Variants in BCORL1 observed in about 807,000 individuals in gnomAD.
The protein encoded by BCORL1 is BCL-6 corepressor-like protein 1.
A neutral mutation model predicts 87.6 loss-of-function variants in BCORL1; 7 were observed. That is an observed-to-expected ratio of 0.08 (90% CI 0.05 to 0.15). BCORL1 has a LOEUF of 0.15. Among genes scored for constraint, BCORL1 ranks in the 10% least tolerant of loss-of-function variants. The pLI, the probability that BCORL1 is intolerant of heterozygous loss-of-function variation, is 1.00. For missense variants in BCORL1, 1,215 were observed against 1,499.7 expected (o/e 0.81, Z 3.13); for synonymous variants, 591 against 634.4 (o/e 0.93, Z 1.03).
chrX:130,020,452 T>C (rs1929715001), intron 4 of BCORL1, among the ~76,000 whole-genome samples: 1 of 112,270 alleles, frequency 8.9e-6, no homozygotes, highest in African/African-American at 3.2e-5. Flanking sequence ...GAATTGCTCC[T>C]GTGTCATGTT....
intron 12 of BCORL1, among the ~76,000 whole-genome samples, chrX:130,051,253 T>C (rs1932055516): frequency 8.9e-6 from 1 of 112,792 alleles, no homozygotes; most frequent in Admixed American, 9.3e-5. Flanking sequence ...TGGCCGCAGC[T>C]TTCCTCTCCT....
Position 130,056,510 on chromosome X carries a change from G to A in BCORL1, c.*374G>A, listed in dbSNP as rs1246580926. Reference sequence around the variant, plus strand: ...CTTGGCCTGTCCCGAGGAGAAATGAGAAAATCCCAGATCTCTGAGCGCCCC... The same window carrying A: ...CTTGGCCTGTCCCGAGGAGAAATGAAAAAATCCCAGATCTCTGAGCGCCCC... On this transcript the variant is annotated 3_prime_UTR_variant, in exon 14 of 14. Coordinates refer to ENST00000540052, the MANE Select transcript of BCORL1 (RefSeq NM_001379451.1). 6.6e-6 allele frequency: 1 copy of A among 152,139 alleles called. No homozygotes were observed. Among genetic ancestry groups the A allele is most frequent in the East Asian group, 1.5e-4 (1 of 6,490 alleles). The allele number at this position is 152,139 out of a possible 1,213,427, so 12.5% of individuals were successfully genotyped here. A position where few individuals can be genotyped will look rare whatever the true frequency, so the allele number is the denominator to read the frequency against.
intron 1 of BCORL1, among the ~76,000 whole-genome samples, chrX:129,983,401 G>A (rs1367123340): frequency 1.0e-5 from 1 of 99,540 alleles, no homozygotes; most frequent in Admixed American, 1.1e-4. Context: ...TGGCTAGCAG[G>A]GCAGGGCGAG....
At chrX:130,021,316 G>A (rs1383220999) in intron 5 of BCORL1, 166 bp downstream of exon 5, 20 of 750,686 alleles carry the variant, frequency 2.7e-5, no homozygotes, top group Non-Finnish European at 3.0e-5. Flanking sequence ...TAAGGTGAGC[G>A]AGCAAGGATC....
At chrX:130,023,228 T>G (rs1929978606) in intron 6 of BCORL1, among the ~76,000 whole-genome samples, 1 of 111,898 alleles carries the variant, frequency 8.9e-6, no homozygotes, top group African/African-American at 3.2e-5. Flanking sequence ...CATCTCTTGT[T>G]GGGAGCTGAT....
chrX:129,990,388 T>C (rs1927026869), intron 1 of BCORL1, among the ~76,000 whole-genome samples: 1 of 109,935 alleles, frequency 9.1e-6, no homozygotes, highest in Non-Finnish European at 1.9e-5. Context: ...CCCACCACCG[T>C]GCCCGGCTAA....
At chrX:130,039,061 G>T (rs1443660930) in intron 10 of BCORL1, 76 bp from the exon 11 acceptor site, 1 of 1,121,126 alleles carries the variant, frequency 8.9e-7, no homozygotes, top group Non-Finnish European at 1.2e-6. Flanking sequence ...TTTTTCCCCT[G>T]ATGCAGTAGC....
In BCORL1 at chrX:130,014,836, C is replaced by T. The variant is rs35645526; in HGVS notation, c.2064C>T (p.Val688=). 3.2e-3 allele frequency: 3,902 copies of T among 1,209,566 alleles called. 10 individuals are homozygous for T. The highest frequency in any genetic ancestry group is 6.9e-3 in the Middle Eastern group (30 of 4,354). The change falls in exon 4 of 14, where the codon GTC becomes GTT. Residue 688 remains valine (V), a synonymous_variant. Transcript: ENST00000540052. ...SCLGSTSSPF[V]IFPEIVRNGD... is the part of the protein sequence containing the mutation. ...TGGGCTCCACTTCCTCGCCCTTTGT[C>T]ATCTTTCCCGAGATCGTGAGGAATG...
At chrX:130,043,931 G>T (rs1402260347) in intron 11 of BCORL1, among the ~76,000 whole-genome samples, 4 of 102,681 alleles carry the variant, frequency 3.9e-5, no homozygotes, top group African/African-American at 1.4e-4. Context: ...CACCATGCCC[G>T]GCTAATTTTT....
At chrX:129,984,791 G>A (rs1176625469) in intron 1 of BCORL1, among the ~76,000 whole-genome samples, 1 of 112,020 alleles carries the variant, frequency 8.9e-6, no homozygotes, top group Non-Finnish European at 1.9e-5. Context: ...CTTCTATTCC[G>A]CTCGCACCTC....
At chrX:129,989,283 C>T (rs1926866137) in intron 1 of BCORL1, among the ~76,000 whole-genome samples, 1 of 104,267 alleles carries the variant, frequency 9.6e-6, no homozygotes, top group South Asian at 4.4e-4. Flanking sequence ...CTACAGGCGC[C>T]CGCCACCATG....
chrX:130,034,663 G>A lies in BCORL1; in HGVS notation c.4514G>A (p.Arg1505His), dbSNP rs762735567. The change falls in exon 9 of 14, where the codon CGT becomes CAT. Residue 1505 changes from arginine (R) to histidine (H), a missense_variant. By Grantham distance (29) the Arg-to-His change is conservative. This residue lies in a region of BCORL1 where 55 missense variants were observed against 115.1 expected (regional missense o/e 0.48). Coordinates refer to ENST00000540052, the MANE Select transcript of BCORL1 (RefSeq NM_001379451.1). ...GAGACCCTCCTGCAGAGGGCGGCGC[G>A]TCTTGGCTATAAGGTAAGGGAGTTT... is the stretch of plus-strand genomic sequence containing the variant. ...AGETLLQRAA[R>H]LGYKDVVLYC... 7.1e-6 allele frequency: 7 copies of A among 979,556 alleles called. No individual in the cohort carries two copies. Among genetic ancestry groups the A allele is most frequent in the Non-Finnish European group, 9.3e-6 (7 of 754,763 alleles). The allele number at this position is 979,556 out of a possible 1,213,427, so 80.7% of individuals were successfully genotyped here.
chrX:129,989,302 ATTT>A (rs34124916), intron 1 of BCORL1, among the ~76,000 whole-genome samples: 1 of 71,721 alleles, frequency 1.4e-5, no homozygotes, highest in African/African-American at 5.7e-5. Flanking sequence ...TGCCCGGCTA[ATTT>A]TTTTTTTTTT....
Position 130,025,226 on chromosome X carries a change from C to T in BCORL1, c.3925C>T (p.Arg1309Trp), listed in dbSNP as rs1276549764. 5.8e-6 allele frequency: 7 copies of T among 1,207,307 alleles called. No individual in the cohort carries two copies. Among genetic ancestry groups the T allele is most frequent in the East Asian group, 3.0e-5 (1 of 33,688 alleles). ...AATGCCCTGGAGGACAGAGGCTGCC[C>T]GGCAAATGTGGGACACCAATGAGGA... Reference protein sequence around the residue: ...REMPWRTEAARQMWDTNEEEE... With the variant: ...REMPWRTEAAWQMWDTNEEEE... Residue 1309 changes from arginine to tryptophan, a missense_variant, in exon 7 of 14, where the codon CGG (arginine) becomes TGG (tryptophan). Around this residue, in one of 5 missense-constraint regions of BCORL1, gnomAD observed 166 missense variants for 196.5 expected, o/e 0.84. Coordinates refer to ENST00000540052, the MANE Select transcript of BCORL1 (RefSeq NM_001379451.1).
At chrX:130,005,400 C>T in intron 2 of BCORL1, 83 bp downstream of exon 2, 1 of 880,884 alleles carries the variant, frequency 1.1e-6, no homozygotes, top group South Asian at 2.2e-5. Context: ...TACAATAGGG[C>T]CTGGGGAGGG....
At chrX:129,986,154 C>T (rs1176328834) in intron 1 of BCORL1, among the ~76,000 whole-genome samples, 2 of 112,154 alleles carry the variant, frequency 1.8e-5, no homozygotes, top group East Asian at 5.6e-4. Flanking sequence ...AGAGGGGTTT[C>T]ACCTCTCCCT....
intron 8 of BCORL1, among the ~76,000 whole-genome samples, chrX:130,032,187 G>C (rs1930649828): frequency 8.9e-6 from 1 of 112,157 alleles, no homozygotes; most frequent in Non-Finnish European, 1.9e-5. Flanking sequence ...TTGGGGTCAG[G>C]AATTCAGGGG....
intron 2 of BCORL1, among the ~76,000 whole-genome samples, chrX:130,011,744 ATG>A (rs751370996): frequency 4.1e-4 from 45 of 110,205 alleles, no homozygotes; most frequent in Non-Finnish European, 7.4e-4. Flanking sequence ...TCTGGGACAT[ATG>A]AACCTGAATT....
At chrX:129,997,503 A>G (rs1434539488) in intron 1 of BCORL1, among the ~76,000 whole-genome samples, 1 of 110,701 alleles carries the variant, frequency 9.0e-6, no homozygotes, top group Non-Finnish European at 1.9e-5. Context: ...ACCATTTTAA[A>G]GTTATTGCGG....
Sources: gnomAD v4.1 joint callset for allele counts (sites outside exome capture counted in the v4.1 genomes callset) on GRCh38, gnomAD v4.1.1 for gene constraint, gnomAD v4.1.1 regional missense constraint, MANE v1.5 for transcripts, NCBI Gene and HGNC (gene_info 2026-07-23, HGNC 2026-07-21) for gene names.